SETD1A: variants seen among roughly 807,000 people sequenced by gnomAD.
SETD1A encodes SET domain containing 1A, histone lysine methyltransferase.
Under a neutral mutation model 149.9 loss-of-function variants are expected in SETD1A, and 29 were observed. That is an observed-to-expected ratio of 0.19 (90% CI 0.14 to 0.26). The LOEUF (loss-of-function observed/expected upper bound fraction) is 0.26, where lower values mean the gene tolerates loss of function less well. Ranked by LOEUF, SETD1A falls within the 10% of genes least tolerant of loss-of-function variation. SETD1A has a pLI of 1.00. For synonymous variants in SETD1A, 1,141 were observed against 968.5 expected, an observed-to-expected ratio of 1.18 and a Z score of -3.31; for missense variants, 2,109 against 2,353.1, an observed-to-expected ratio of 0.90 and a Z score of 2.15.
In SETD1A at chr16:30,965,213, C is replaced by T. The variant is rs1474405931; in HGVS notation, c.1471C>T (p.Arg491Cys). Reference sequence around the variant, plus strand: ...CGCCCAGCACAGCAGCCTGGATTCCCGCATCGAGATGCTGCTGAAGGAGCA... The same window carrying T: ...CGCCCAGCACAGCAGCCTGGATTCCTGCATCGAGATGCTGCTGAAGGAGCA... ...PFAQHSSLDS[R>C]IEMLLKEQRS... The change falls in exon 7 of 19, where the codon CGC becomes TGC. Residue 491 changes from arginine (R) to cysteine (C), a missense_variant. Physicochemically the swap from Arg to Cys is radical, Grantham distance 180. This residue lies in a region of SETD1A where 23 missense variants were observed against 48.7 expected (regional missense o/e 0.47). Transcript: ENST00000262519. The T allele has an allele frequency of 1.2e-6, 2 of 1,614,160 alleles. No individual in the cohort carries two copies. The highest frequency in any genetic ancestry group is 1.7e-5 in the Admixed American group (1 of 60,028).
intron 12 of SETD1A, among the ~76,000 whole-genome samples, chr16:30,970,037 GGCTCACTGCAACCTCC>G (rs2056205332): frequency 6.6e-6 from 1 of 151,920 alleles, no homozygotes; most frequent in Non-Finnish European, 1.5e-5. Flanking sequence ...GCGCAATCTC[GGCTCACTGCAACCTCC>G]GCCTCCTGAG....
chr16:30,980,669 C>G lies in SETD1A; in HGVS notation c.4581+12C>G, dbSNP rs1390444992. 22 of 1,610,390 alleles carry G rather than the reference C, an allele frequency of 1.4e-5. No homozygotes were observed. The East Asian group carries it at 4.7e-4, about 34-fold the overall frequency. ...GCGTGGACACTCAGGTGGGCCTAAC[C>G]CCGCCGCCGCGTCCTCCTGCCACTC... On this transcript the variant is annotated intron_variant, in intron 15 of 18. Transcript: ENST00000262519. This position sits in a 1 kb window ranked among gnomAD's most constrained non-coding sequence, Gnocchi z 7.7.
intron 10 of SETD1A, among the ~76,000 whole-genome samples, chr16:30,968,914 G>A (rs1407129904): frequency 1.3e-5 from 2 of 152,172 alleles, no homozygotes; most frequent in Non-Finnish European, 2.9e-5. Context: ...ATACCAGCCT[G>A]AGCAACATAG....
At chr16:30,969,222 A>G (rs1320472983) in intron 10 of SETD1A, 83 bp from the exon 11 acceptor site, 5 of 1,350,314 alleles carry the variant, frequency 3.7e-6, no homozygotes, top group Non-Finnish European at 5.1e-6. Flanking sequence ...AAGATTGGTA[A>G]TAGTATATGT....
chr16:30,979,629 G>C lies in SETD1A; in HGVS notation c.3843G>C (p.Glu1281Asp), dbSNP rs758380502. ...CTGTTGAAGACTCAGAGGCCACAGA[G>C]ACATCGGACGAGGCCGAGCGCCCTA... ...LPAVEDSEAT[E>D]TSDEAERPRP... Residue 1281 changes from glutamate to aspartate, a missense_variant, in exon 14 of 19, where the codon GAG becomes GAC. This residue lies in a region of SETD1A where 832 missense variants were observed against 815.6 expected (regional missense o/e 1.02). Transcript: ENST00000262519. 6.2e-7 allele frequency: 1 copy of C among 1,610,914 alleles called. No individual in the cohort carries two copies. The highest frequency in any genetic ancestry group is 2.2e-5 in the East Asian group (1 of 44,850).
rs773715991 is a variant in SETD1A, at chr16:30,980,477, C to G, written c.4409-8C>G. The G allele has an allele frequency of 6.2e-6, 10 of 1,611,640 alleles. No homozygotes were observed. In the South Asian group the frequency reaches 9.9e-5, roughly 16 times the overall value. ...AGAGGAGCCGTTCTCTTCCTTAACA[C>G]CCTGCACTCACCAACCTGACCACCC... On this transcript the variant is annotated splice_region_variant and splice_polypyrimidine_tract_variant and intron_variant, in intron 14 of 18. Coordinates refer to ENST00000262519, the MANE Select transcript of SETD1A (RefSeq NM_014712.3). This position sits in a 1 kb window ranked among gnomAD's most constrained non-coding sequence, Gnocchi z 7.7.
At chr16:30,959,234 A>T in intron 3 of SETD1A, 48 bp downstream of exon 3, 2 of 1,207,624 alleles carry the variant, frequency 1.7e-6, no homozygotes, top group Non-Finnish European at 2.5e-6. Context: ...GAGGGTGTGG[A>T]GGATGCGTCT....
intron 4 of SETD1A, among the ~76,000 whole-genome samples, chr16:30,962,247 T>C (rs1440873379): frequency 2.0e-5 from 3 of 152,110 alleles, no homozygotes; most frequent in Admixed American, 6.5e-5. Flanking sequence ...GTATTTTTAG[T>C]AGAGATAGGG....
rs549262303 is a variant in SETD1A at position 30,979,839 on chromosome 16, G to A, written c.4053G>A (p.Pro1351=). 49 of 1,547,566 alleles carry A rather than the reference G, an allele frequency of 3.2e-5. No individual in the cohort carries two copies. The highest frequency in any genetic ancestry group is 3.9e-5 in the Non-Finnish European group (45 of 1,152,908). The change falls in exon 14 of 19, where the codon CCG becomes CCA. Residue 1351 remains proline, a synonymous_variant. Coordinates refer to ENST00000262519, the MANE Select transcript of SETD1A (RefSeq NM_014712.3). Reference sequence around the variant, plus strand: ...TGGCTGAGGCGGAGGAGCCCAAGCCGCAGCAACTGCAGCAGCAGCGGGAGG... The same window carrying A: ...TGGCTGAGGCGGAGGAGCCCAAGCCACAGCAACTGCAGCAGCAGCGGGAGG... ...VVVAEAEEPK[P]QQLQQQREEG...
In SETD1A at chr16:30,984,304, G is replaced by A; in HGVS notation, c.*281G>A. 1 of 463,218 alleles carries A rather than the reference G, an allele frequency of 2.2e-6. No individual in the cohort carries two copies. Among genetic ancestry groups the A allele is most frequent in the South Asian group, 2.3e-5 (1 of 43,624 alleles). 28.7% of individuals were successfully genotyped at this position (463,218 alleles called of 1,614,324 possible). Reference sequence around the variant, plus strand: ...GCTGTTTCCTGTGGAAACCTGGGGTGCCGGCCTGTACAGATTCTGTCCTGG... The same window carrying A: ...GCTGTTTCCTGTGGAAACCTGGGGTACCGGCCTGTACAGATTCTGTCCTGG... On this transcript the variant is annotated 3_prime_UTR_variant, in exon 19 of 19. Coordinates refer to ENST00000262519, the MANE Select transcript of SETD1A (RefSeq NM_014712.3).
chr16:30,982,502 A>G (rs11150602), intron 17 of SETD1A, among the ~76,000 whole-genome samples: 48,720 of 147,530 alleles, frequency 0.33, 10,367 homozygotes, highest in East Asian at 0.9. Context: ...CTCCGTCTCA[A>G]AAAAAAAAAA....
intron 10 of SETD1A, 31 bp from the exon 11 acceptor site, chr16:30,969,272 TAA>T (rs2056193724): frequency 1.3e-6 from 2 of 1,598,700 alleles, no homozygotes; most frequent in Non-Finnish European, 1.7e-6. Context: ...TGGTTGATGG[TAA>T]ATTTCCCCAA....
Position 30,979,958 on chromosome 16 carries a change from GGCGCAGCCTCC to G in SETD1A, c.4175_4185del (p.Arg1392LeufsTer25), listed in dbSNP as rs1297508438. On this transcript the variant is annotated frameshift_variant, in exon 14 of 19. Transcript: ENST00000262519. LOFTEE classifies it high-confidence loss of function. The stretch of plus-strand genomic sequence containing the variant: ...AGCGATGGGGAGGGCGCCCTCCGGA[GGCGCAGCCTCC>G]GCTCCCACGCCCGGCGCCGCCGCCC... 6.5e-7 allele frequency: 1 copy of G among 1,531,440 alleles called. No individual in the cohort carries two copies. Among genetic ancestry groups the G allele is most frequent in the African/African-American group, 1.4e-5 (1 of 71,994 alleles). The allele number at this position is 1,531,440 out of a possible 1,614,324, so 94.9% of individuals were successfully genotyped here.
At position 30,971,498 on chromosome 16, in the gene SETD1A, C is replaced by A; in HGVS notation, c.3137C>A (p.Ser1046Tyr). 6.2e-7 allele frequency: 1 copy of A among 1,613,994 alleles called. No homozygotes were observed. The highest frequency in any genetic ancestry group is 8.5e-7 in the Non-Finnish European group (1 of 1,179,958). The change falls in exon 13 of 19, where the codon TCC becomes TAC. Residue 1046 changes from serine (S) to tyrosine (Y), a missense_variant. Ser to Tyr is a moderately radical substitution (Grantham distance 144). This residue lies in a region of SETD1A where 832 missense variants were observed against 815.6 expected (regional missense o/e 1.02). Coordinates refer to ENST00000262519, the MANE Select transcript of SETD1A (RefSeq NM_014712.3). ...SSSSSSSSSS[S>Y]SSSSSSSSSS... ...TCTTCCAGCTCCTCATCCTCCTCCT[C>A]CTCCTCGTCCTCATCCTCCTCGTCC...
At chr16:30,962,598 C>T (rs1197272953) in intron 4 of SETD1A, among the ~76,000 whole-genome samples, 2 of 152,172 alleles carry the variant, frequency 1.3e-5, no homozygotes, top group Non-Finnish European at 2.9e-5. Context: ...TTAGTAGGCA[C>T]TGGCCAGTTT....
chr16:30,984,340 A>G lies in SETD1A; in HGVS notation c.*317A>G, dbSNP rs937007084. On this transcript the variant is annotated 3_prime_UTR_variant, in exon 19 of 19. Coordinates refer to ENST00000262519, the MANE Select transcript of SETD1A (RefSeq NM_014712.3). ...CAGATTCTGTCCTGGGGGGCTACAC[A>G]GTCCTCTTGCTTTGTGTTAATGGGG... 1.6e-4 allele frequency: 55 copies of G among 342,610 alleles called. No homozygotes were observed. The East Asian group carries it at 3.1e-3, about 19-fold the overall frequency. The allele number at this position is 342,610 out of a possible 1,614,324, so 21.2% of individuals were successfully genotyped here. A position where few individuals can be genotyped will look rare whatever the true frequency, so the allele number is the denominator to read the frequency against.
At chr16:30,958,410 C>T (rs1444645634) in intron 1 of SETD1A, 2 of 183,192 alleles carry the variant, frequency 1.1e-5, no homozygotes, top group Non-Finnish European at 1.9e-5. Context: ...GGGGCGGGGC[C>T]TGCAGGGGGC....
intron 1 of SETD1A, chr16:30,958,473 G>T (rs1003512741): frequency 1.0e-5 from 5 of 485,450 alleles, no homozygotes; most frequent in Non-Finnish European, 1.9e-5. Context: ...GGGAGAGCGG[G>T]AAGGTAAGGG....
intron 3 of SETD1A, among the ~76,000 whole-genome samples, chr16:30,960,468 C>T (rs77241481): frequency 0.015 from 2,240 of 152,288 alleles, 47 homozygotes; most frequent in African/African-American, 0.049. Context: ...TGAATTCTTC[C>T]CTGATCATAC....
Sources: gnomAD v4.1 joint callset for allele counts (sites outside exome capture counted in the v4.1 genomes callset) on GRCh38, gnomAD v4.1.1 for gene constraint, gnomAD v4.1.1 regional missense constraint, Gnocchi (gnomAD v3.1) non-coding constraint, MANE v1.5 for transcripts, NCBI Gene and HGNC (gene_info 2026-07-23, HGNC 2026-07-21) for gene names.